Variants in OPCML observed in about 807,000 individuals in gnomAD.
The protein encoded by OPCML is opioid binding protein/cell adhesion molecule like, also known as opioid-binding protein/cell adhesion molecule.
OPCML carries 13 observed loss-of-function variants against 37.8 expected under a neutral mutation model. The observed-to-expected ratio is 0.34, with a 90% CI of 0.22 to 0.55. The LOEUF (loss-of-function observed/expected upper bound fraction) is 0.55. Among genes scored for constraint, OPCML ranks in the 20% least tolerant of loss-of-function variants. The pLI is 0.91. For missense variants in OPCML, 341 were observed against 435.6 expected, an observed-to-expected ratio of 0.78 and a Z score of 1.93; for synonymous variants, 176 against 168.8, an observed-to-expected ratio of 1.04 and a Z score of -0.33.
chr11:133,228,253 T>C (rs966950079), intron 1 of OPCML, among the ~76,000 whole-genome samples: 22 of 152,288 alleles, frequency 1.4e-4, no homozygotes, highest in African/African-American at 5.3e-4. Context: ...CGCTCAGCTG[T>C]TCCCCATAAT....
chr11:133,125,568 A>ATG (rs1024919442), intron 1 of OPCML, among the ~76,000 whole-genome samples: 1 of 148,640 alleles, frequency 6.7e-6, no homozygotes, highest in Non-Finnish European at 1.5e-5. Flanking sequence ...ATATATATAT[A>ATG]AAAAATATAG....
chr11:133,389,574 A>AATTATT, intron 1 of OPCML, among the ~76,000 whole-genome samples: 1 of 152,282 alleles, frequency 6.6e-6, no homozygotes, highest in Non-Finnish European at 1.5e-5. Context: ...CACAGGTGGT[A>AATTATT]ATTATTATTA....
intron 3 of OPCML, among the ~76,000 whole-genome samples, chr11:132,644,681 A>C (rs777478181): frequency 1.7e-4 from 26 of 152,306 alleles, no homozygotes; most frequent in Non-Finnish European, 3.2e-4. Context: ...TGTCACGACA[A>C]ACTAGCCCCT....
chr11:133,112,304 AAAAAAAG>A (rs1338267647), intron 1 of OPCML, among the ~76,000 whole-genome samples: 31 of 143,276 alleles, frequency 2.2e-4, no homozygotes, highest in African/African-American at 5.2e-4. Context: ...AAAAAAAAAA[AAAAAAAG>A]GGGAAAGAAA....
At chr11:132,781,955 T>TATATATATA (rs60644917) in intron 2 of OPCML, among the ~76,000 whole-genome samples, 26 of 43,982 alleles carry the variant, frequency 5.9e-4, no homozygotes, top group South Asian at 1.8e-3. Flanking sequence ...TATATATATA[T>TATATATATA]TTTTTTTTTT....
intron 1 of OPCML, chr11:133,007,361 T>C: frequency 1.0e-6 from 1 of 985,474 alleles, no homozygotes; most frequent in Admixed American, 6.1e-5. Context: ...ATCTGTGTGA[T>C]TAGCTCAGCC....
At chr11:133,149,145 C>T (rs928087089) in intron 1 of OPCML, among the ~76,000 whole-genome samples, 5 of 152,192 alleles carry the variant, frequency 3.3e-5, no homozygotes, top group East Asian at 1.9e-4. Flanking sequence ...AAATTGATGG[C>T]TGTCCTCTTC....
At chr11:132,892,106 T>C (rs557862960) in intron 2 of OPCML, among the ~76,000 whole-genome samples, 1 of 152,346 alleles carries the variant, frequency 6.6e-6, no homozygotes, top group South Asian at 2.1e-4. Context: ...TTCTCCTCCA[T>C]CGCTTTTAAA....
chr11:133,260,823 G>C lies in OPCML; in HGVS notation c.61+271441C>G, dbSNP rs144576344. Among the ~76,000 whole-genome samples the C allele has an allele frequency of 1.9e-3, 290 of 152,196 alleles. 4 individuals carry two copies. The highest frequency in any genetic ancestry group is 6.9e-3 in the African/African-American group (285 of 41,518). On this transcript the variant is annotated intron_variant, in intron 1 of 7. Transcript: ENST00000524381. ...GTACTCTGCTTCCCCCAGCTCACTT[G>C]CTTTAAGAGTAAAAAGACTTACTTT...
At chr11:133,137,326 A>G (rs1394657170) in intron 1 of OPCML, among the ~76,000 whole-genome samples, 1 of 152,194 alleles carries the variant, frequency 6.6e-6, no homozygotes, top group Non-Finnish European at 1.5e-5. Context: ...TTGCTTATTT[A>G]TATTTTAACT....
chr11:133,210,386 G>T (rs894504280), intron 1 of OPCML, among the ~76,000 whole-genome samples: 1 of 151,904 alleles, frequency 6.6e-6, no homozygotes, highest in Non-Finnish European at 1.5e-5. Context: ...TCTTTCTCCC[G>T]CCAGCCCCTC....
At chr11:133,115,300 C>A (rs1949314938) in intron 1 of OPCML, among the ~76,000 whole-genome samples, 1 of 152,222 alleles carries the variant, frequency 6.6e-6, no homozygotes, top group Non-Finnish European at 1.5e-5. Context: ...TGCCAGGCAG[C>A]AGGACCTACA....
intron 3 of OPCML, among the ~76,000 whole-genome samples, chr11:132,635,809 G>A (rs2135707581): frequency 6.6e-6 from 1 of 152,234 alleles, no homozygotes; most frequent in South Asian, 2.1e-4. Flanking sequence ...AAAGACGTTT[G>A]CAAGGTAATC....
At chr11:132,906,398 G>T (rs1040501712) in intron 2 of OPCML, among the ~76,000 whole-genome samples, 1 of 152,192 alleles carries the variant, frequency 6.6e-6, no homozygotes, top group South Asian at 2.1e-4. Context: ...AGGGGCCCTT[G>T]CTTCCCTAAG....
chr11:132,615,774 A>G (rs1231192637), intron 3 of OPCML, among the ~76,000 whole-genome samples: 1 of 152,206 alleles, frequency 6.6e-6, no homozygotes, highest in Non-Finnish European at 1.5e-5. Context: ...AGTAAAGCTC[A>G]TAGCAGGAAC....
chr11:132,502,585 A>G (rs1420966042), intron 4 of OPCML, among the ~76,000 whole-genome samples: 3 of 152,228 alleles, frequency 2.0e-5, no homozygotes, highest in South Asian at 2.1e-4. Context: ...TCAGCAGCTC[A>G]GGGGACAAAA....
chr11:132,688,168 G>T (rs551879542), intron 2 of OPCML, among the ~76,000 whole-genome samples: 109 of 144,894 alleles, frequency 7.5e-4, no homozygotes, highest in East Asian at 5.0e-3. Context: ...AGGAATCATG[G>T]TTTTTTTTTT....
chr11:133,262,479 TG>T (rs1941523823), intron 1 of OPCML, among the ~76,000 whole-genome samples: 1 of 152,168 alleles, frequency 6.6e-6, no homozygotes, highest in South Asian at 2.1e-4. Context: ...ACTCTCGCCA[TG>T]GGATGGGAAA....
chr11:132,989,921 C>G (rs922658916), intron 1 of OPCML, among the ~76,000 whole-genome samples: 1 of 152,070 alleles, frequency 6.6e-6, no homozygotes, highest in Non-Finnish European at 1.5e-5. Flanking sequence ...TTTTATCACC[C>G]TTGGATGATT....
Sources: allele counts gnomAD v4.1 joint callset (sites outside exome capture counted in the v4.1 genomes callset), GRCh38; gene constraint gnomAD v4.1.1; transcripts MANE v1.5; gene names NCBI Gene and HGNC (gene_info 2026-07-23, HGNC 2026-07-21).